The following GPRASP1 variants were observed in gnomAD, a reference collection of about 807,000 sequenced individuals.
The protein encoded by GPRASP1 is G protein-coupled receptor associated sorting protein 1, also known as G protein-coupled receptor-associated sorting protein 1.
In GPRASP1, 28 loss-of-function variants were observed where a neutral mutation model predicts 68.4. The ratio of observed to expected loss-of-function variants is 0.41; its 90% CI spans 0.30 to 0.56. GPRASP1 has a LOEUF of 0.56. GPRASP1 is among the 20% of genes least tolerant of loss of function. The pLI is 0.29. For synonymous variants in GPRASP1, 304 were observed against 358.2 expected, an observed-to-expected ratio of 0.85 and a Z score of 1.71; for missense variants, 913 against 1,031.5, an observed-to-expected ratio of 0.89 and a Z score of 1.57.
In GPRASP1 at chrX:102,657,700, C is replaced by T. The variant is rs745890982; in HGVS notation, c.3787C>T (p.His1263Tyr). The change falls in exon 6 of 6, where the codon CAT (histidine) becomes TAT (tyrosine). Residue 1263 changes from histidine to tyrosine, a missense_variant. Physicochemically the swap from His to Tyr is moderately conservative, Grantham distance 83. Coordinates refer to ENST00000537097, the MANE Select transcript of GPRASP1 (RefSeq NM_001184727.2). ...EQLSGIRMIR[H>Y]LTTTTDYHTL... ...GCTGTCTGGAATAAGGATGATTAGA[C>T]ATCTCACTACTACTACTGACTATCA... The T allele has an allele frequency of 1.7e-6, 2 of 1,209,332 alleles. No homozygotes were observed. The highest frequency in any genetic ancestry group is 2.2e-6 in the Non-Finnish European group (2 of 893,120).
chrX:102,656,492 T>C lies in GPRASP1; in HGVS notation c.2579T>C (p.Val860Ala). 4 of 1,205,222 alleles carry C rather than the reference T, an allele frequency of 3.3e-6. No individual in the cohort carries two copies. The highest frequency in any genetic ancestry group is 4.5e-6 in the Non-Finnish European group (4 of 893,242). The change falls in exon 6 of 6, where the codon GTC (valine) becomes GCC (alanine). Residue 860 changes from valine (V) to alanine (A), a missense_variant. By Grantham distance (64) the Val-to-Ala change is moderately conservative. Coordinates refer to ENST00000537097, the MANE Select transcript of GPRASP1 (RefSeq NM_001184727.2). The stretch of plus-strand genomic sequence containing the variant: ...GCCAGTCCGGAGGCAGTGGCAGGAG[T>C]CGGCTTTGAGTCAAAGCCTGGGACT... ...EEASPEAVAG[V>A]GFESKPGTEE...
Position 102,656,478 on chromosome X carries a change from G to A in GPRASP1, c.2565G>A (p.Glu855=). Residue 855 remains glutamate, a synonymous_variant, in exon 6 of 6, where the codon GAG becomes GAA. Coordinates refer to ENST00000537097, the MANE Select transcript of GPRASP1 (RefSeq NM_001184727.2). ...SWFWEEEASP[E]AVAGVGFESK... ...TCTGGGAAGAAGAGGCCAGTCCGGA[G>A]GCAGTGGCAGGAGTCGGCTTTGAGT... 1 of 1,210,619 alleles carries A rather than the reference G, an allele frequency of 8.3e-7. No individual in the cohort carries two copies. The highest frequency in any genetic ancestry group is 2.3e-4 in the Middle Eastern group (1 of 4,351).
At position 102,657,259 on chromosome X, in the gene GPRASP1, G is replaced by A; in HGVS notation, c.3346G>A (p.Asp1116Asn). ...TAGTCCTGAGTTCCCATTTCAGTAT[G>A]ATCCTTCCTACAGGTCAGTCCAGGA... ...QPSPEFPFQY[D>N]PSYRSVQEIR... Residue 1116 changes from aspartate (D) to asparagine (N), a missense_variant, in exon 6 of 6, where the codon GAT becomes AAT. Coordinates refer to ENST00000537097, the MANE Select transcript of GPRASP1 (RefSeq NM_001184727.2). The A allele has an allele frequency of 2.5e-6, 3 of 1,209,985 alleles. No homozygotes were observed. Among genetic ancestry groups the A allele is most frequent in the Middle Eastern group, 2.3e-4 (1 of 4,353 alleles).
chrX:102,656,636 G>T lies in GPRASP1; in HGVS notation c.2723G>T (p.Gly908Val). 8.3e-7 allele frequency: 1 copy of T among 1,210,625 alleles called. No homozygotes were observed. Among genetic ancestry groups the T allele is most frequent in the Non-Finnish European group, 1.1e-6 (1 of 894,790 alleles). The part of the protein sequence containing the change: ...ESETEEETIF[G>V]SWFWDGKEVS... ...GAGACTGAAGAGGAAACCATTTTTG[G>T]GTCCTGGTTCTGGGATGGAAAAGAA... The change falls in exon 6 of 6, where the codon GGG (glycine) becomes GTG (valine). Residue 908 changes from glycine (G) to valine (V), a missense_variant. Gly to Val is a moderately radical substitution (Grantham distance 109, BLOSUM62 -3). Coordinates refer to ENST00000537097, the MANE Select transcript of GPRASP1 (RefSeq NM_001184727.2).
In GPRASP1 at chrX:102,657,302, G is replaced by A. The variant is rs756856290; in HGVS notation, c.3389G>A (p.Arg1130Lys). The change falls in exon 6 of 6, where the codon AGG becomes AAG. Residue 1130 changes from arginine (R) to lysine (K), a missense_variant. Arg to Lys is a conservative substitution (Grantham distance 26). Coordinates refer to ENST00000537097, the MANE Select transcript of GPRASP1 (RefSeq NM_001184727.2). ...GTCCAGGAAATTCGAGAGCATCTTA[G>A]GGCCAAGGAGAGTACAGAGCCTGAG... The part of the protein sequence containing the change: ...RSVQEIREHL[R>K]AKESTEPESS... The A allele has an allele frequency of 1.7e-6, 2 of 1,209,205 alleles. No homozygotes were observed. The highest frequency in any genetic ancestry group is 2.2e-5 in the Admixed American group (1 of 45,729).
chrX:102,656,344 G>A lies in GPRASP1; in HGVS notation c.2431G>A (p.Val811Ile). The A allele has an allele frequency of 8.4e-7, 1 of 1,195,340 alleles. No homozygotes were observed. Among genetic ancestry groups the A allele is most frequent in the Non-Finnish European group, 1.1e-6 (1 of 888,359 alleles). Residue 811 changes from valine to isoleucine, a missense_variant, in exon 6 of 6, where the codon GTT (valine) becomes ATT (isoleucine). By Grantham distance (29) the Val-to-Ile change is conservative. Transcript: ENST00000537097. Reference sequence around the variant, plus strand: ...GCTAGCAGCTGAGAAAGAAGGTATTGTTGGGTCCTGGTTTGGGGCCAGAGA... The same window carrying A: ...GCTAGCAGCTGAGAAAGAAGGTATTATTGGGTCCTGGTTTGGGGCCAGAGA... ...DRLAAEKEGI[V>I]GSWFGAREET...
In GPRASP1 at chrX:102,657,140, C is replaced by CT. The variant is rs1430793664; in HGVS notation, c.3230dup (p.Leu1077PhefsTer4). 44 of 1,207,857 alleles carry CT rather than the reference C, an allele frequency of 3.6e-5. No individual in the cohort carries two copies. Among genetic ancestry groups the CT allele is most frequent in the Non-Finnish European group, 4.9e-5 (44 of 893,289 alleles). ...TTTAGATTTCCGAAAGAGGCAGCAT[C>CT]TTTATTCTGTGAAATGTTTGGGGGC... On this transcript the variant is annotated frameshift_variant, in exon 6 of 6. Coordinates refer to ENST00000537097, the MANE Select transcript of GPRASP1 (RefSeq NM_001184727.2). LOFTEE classifies it high-confidence loss of function.
Position 102,657,728 on chromosome X carries a change from C to T in GPRASP1, c.3815C>T (p.Thr1272Ile). ...RHLTTTTDYHTLVANYMSGFL... is the reference protein window; with the variant it reads ...RHLTTTTDYHILVANYMSGFL... ...CTCACTACTACTACTGACTATCACA[C>T]ACTGGTTGCCAATTATATGTCTGGG... The change falls in exon 6 of 6, where the codon ACA (threonine) becomes ATA (isoleucine). Residue 1272 changes from threonine (T) to isoleucine (I), a missense_variant. Transcript: ENST00000537097. 2.5e-6 allele frequency: 3 copies of T among 1,202,852 alleles called. No individual in the cohort carries two copies. Among genetic ancestry groups the T allele is most frequent in the Non-Finnish European group, 3.4e-6 (3 of 887,491 alleles).
At position 102,656,897 on chromosome X, in the gene GPRASP1, C is replaced by T. The variant is rs775753672; in HGVS notation, c.2984C>T (p.Ala995Val). The T allele has an allele frequency of 5.0e-6, 6 of 1,206,826 alleles. No homozygotes were observed. In the African/African-American group the frequency reaches 1.1e-4, roughly 21 times the overall value. ...AGCAACTGTGGGTCCAGGACATTAG[C>T]TGATGAAGATGAGGCCATAGTGGGG... is the stretch of plus-strand genomic sequence containing the variant. ...NGSNCGSRTL[A>V]DEDEAIVGSW... The change falls in exon 6 of 6, where the codon GCT (alanine) becomes GTT (valine). Residue 995 changes from alanine (A) to valine (V), a missense_variant. By Grantham distance (64) the Ala-to-Val change is moderately conservative. Coordinates refer to ENST00000537097, the MANE Select transcript of GPRASP1 (RefSeq NM_001184727.2).
chrX:102,651,760 A>G (rs1008105755), intron 2 of GPRASP1, 27 bp downstream of exon 2: 5 of 112,271 alleles, frequency 4.5e-5, no homozygotes, highest in African/African-American at 1.6e-4. Context: ...ATCCCTGGCT[A>G]TGGGGAGGCG....
In GPRASP1 at chrX:102,655,592, T is replaced by C. The variant is rs777416320; in HGVS notation, c.1679T>C (p.Val560Ala). Residue 560 changes from valine to alanine, a missense_variant, in exon 6 of 6, where the codon GTT becomes GCT. Transcript: ENST00000537097. Reference sequence around the variant, plus strand: ...CCCTGGTTTTGGTCTGGAGAACAAGTTGATATAGAGGCTGGAATCGGAGAA... The same window carrying C: ...CCCTGGTTTTGGTCTGGAGAACAAGCTGATATAGAGGCTGGAATCGGAGAA... ...IGPWFWSGEQVDIEAGIGEEA... is the reference protein window; with the variant it reads ...IGPWFWSGEQADIEAGIGEEA... The C allele has an allele frequency of 4.1e-5, 50 of 1,208,578 alleles. 1 individual carries two copies. In the Middle Eastern group the frequency reaches 2.5e-3, roughly 61 times the overall value.
chrX:102,656,351 C>T lies in GPRASP1; in HGVS notation c.2438C>T (p.Ser813Phe), dbSNP rs2081412032. 1 of 1,194,247 alleles carries T rather than the reference C, an allele frequency of 8.4e-7. No homozygotes were observed. The highest frequency in any genetic ancestry group is 1.9e-5 in the South Asian group (1 of 54,014). The change falls in exon 6 of 6, where the codon TCC (serine) becomes TTC (phenylalanine). Residue 813 changes from serine to phenylalanine, a missense_variant. Transcript: ENST00000537097. ...LAAEKEGIVG[S>F]WFGAREETIR... is the part of the protein sequence containing the mutation. ...GCTGAGAAAGAAGGTATTGTTGGGT[C>T]CTGGTTTGGGGCCAGAGAAGAGACC...
Position 102,657,279 on chromosome X carries a change from C to G in GPRASP1, c.3366C>G (p.Val1122=), listed in dbSNP as rs376126810. The change falls in exon 6 of 6, where the codon GTC becomes GTG. Residue 1122 remains valine (V), a synonymous_variant. Transcript: ENST00000537097. The part of the protein sequence containing the change: ...PFQYDPSYRS[V]QEIREHLRAK... ...AGTATGATCCTTCCTACAGGTCAGT[C>G]CAGGAAATTCGAGAGCATCTTAGGG... 1 of 1,207,924 alleles carries G rather than the reference C, an allele frequency of 8.3e-7. No homozygotes were observed. Among genetic ancestry groups the G allele is most frequent in the African/African-American group, 1.8e-5 (1 of 56,976 alleles).
chrX:102,656,672 AAGC>A lies in GPRASP1; in HGVS notation c.2762_2764del (p.Ala921del). On this transcript the variant is annotated inframe_deletion, in exon 6 of 6. Coordinates refer to ENST00000537097, the MANE Select transcript of GPRASP1 (RefSeq NM_001184727.2). ...TGGGATGGAAAAGAAGTCAGTGAAG[AAGC>A]AGGACCATGCTGTGTATCCAAGCCA... The A allele has an allele frequency of 8.3e-7, 1 of 1,210,499 alleles. No individual in the cohort carries two copies. The highest frequency in any genetic ancestry group is 1.1e-6 in the Non-Finnish European group (1 of 894,548).
At chrX:102,651,885 C>T (rs2081355311) in intron 2 of GPRASP1, among the ~76,000 whole-genome samples, 152 bp downstream of exon 2, 2 of 112,939 alleles carry the variant, frequency 1.8e-5, no homozygotes, top group African/African-American at 3.2e-5. Flanking sequence ...TGCAGGCGCC[C>T]GCGCGCAGCC....
Position 102,656,317 on chromosome X carries a change from A to G in GPRASP1, c.2404A>G (p.Arg802Gly). ...EPAAETREED[R>G]LAAEKEGIVG... The stretch of plus-strand genomic sequence containing the variant: ...AGCTGCTGAGACTAGAGAAGAAGAC[A>G]GGCTAGCAGCTGAGAAAGAAGGTAT... Residue 802 changes from arginine (R) to glycine (G), a missense_variant, in exon 6 of 6, where the codon AGG becomes GGG. Physicochemically the swap from Arg to Gly is moderately radical, Grantham distance 125. Coordinates refer to ENST00000537097, the MANE Select transcript of GPRASP1 (RefSeq NM_001184727.2). 1 of 1,194,390 alleles carries G rather than the reference A, an allele frequency of 8.4e-7. No individual in the cohort carries two copies.
rs2073116 is a variant in GPRASP1, at chrX:102,656,409, C to T, written c.2496C>T (p.Ser832=). 0.012 allele frequency: 14,091 copies of T among 1,206,248 alleles called. 80 individuals are homozygous for T. Among genetic ancestry groups the T allele is most frequent in the East Asian group, 0.045 (1,501 of 33,671 alleles). Residue 832 remains serine, a synonymous_variant, in exon 6 of 6, where the codon TCC becomes TCT. Transcript: ENST00000537097. ...GAGAGGCTGGGTCTTGCAGCAAATC[C>T]AGTCCTAAAGCTGAAGAGGAAGAAG... ...IRREAGSCSK[S]SPKAEEEEVI...
rs2147654581 is a variant in GPRASP1 at position 102,653,886 on chromosome X, GT to G, written c.-27del. On this transcript the variant is annotated 5_prime_UTR_variant, in exon 6 of 6. Transcript: ENST00000537097. The stretch of plus-strand genomic sequence containing the variant: ...AGGTTTAGACTGGGGGAGGAGTATA[GT>G]ACTGGACTTTCTTTGTAACTTGTAC... 1.1e-5 allele frequency: 13 copies of G among 1,134,614 alleles called. No individual in the cohort carries two copies. In the South Asian group the frequency reaches 2.4e-4, roughly 21 times the overall value. The allele number at this position is 1,134,614 out of a possible 1,213,427, so 93.5% of individuals were successfully genotyped here.
Position 102,658,392 on chromosome X carries a change from GTATA to G in GPRASP1, c.*303_*306del. 2 of 181,631 alleles carry G rather than the reference GTATA, an allele frequency of 1.1e-5. No homozygotes were observed. The highest frequency in any genetic ancestry group is 1.1e-4 in the East Asian group (1 of 8,814). 15.0% of individuals were successfully genotyped at this position (181,631 alleles called of 1,213,427 possible). ...CCACCCTTCTGATTGTCGTTCTACT[GTATA>G]TATATATATATTTGAGTGTTGTTTG... On this transcript the variant is annotated 3_prime_UTR_variant, in exon 6 of 6. Coordinates refer to ENST00000537097, the MANE Select transcript of GPRASP1 (RefSeq NM_001184727.2).
Sources: gnomAD v4.1 joint callset for allele counts (sites outside exome capture counted in the v4.1 genomes callset) on GRCh38, gnomAD v4.1.1 for gene constraint, MANE v1.5 for transcripts, NCBI Gene and HGNC (gene_info 2026-07-23, HGNC 2026-07-21) for gene names.